The following GFRAL variants were observed in gnomAD, a reference collection of about 807,000 sequenced individuals.
GFRAL encodes GDNF family receptor alpha-like.
Under a neutral mutation model 45.4 loss-of-function variants are expected in GFRAL, and 36 were observed. That is an observed-to-expected ratio of 0.79 (90% confidence interval 0.61 to 1.05). The LOEUF is 1.05. Ranked by LOEUF, GFRAL falls within the 50% of genes least tolerant of loss-of-function variation. GFRAL has a pLI of 0.00. For synonymous variants in GFRAL, 166 were observed against 154.1 expected, an observed-to-expected ratio of 1.08 and a Z score of -0.57; for missense variants, 507 against 467.5, an observed-to-expected ratio of 1.08 and a Z score of -0.78.
intron 4 of GFRAL, among the ~76,000 whole-genome samples, chr6:55,350,575 T>G (rs1768102920): frequency 6.6e-6 from 1 of 151,794 alleles, no homozygotes; most frequent in South Asian, 2.1e-4. Context: ...TAGGCTTGTG[T>G]CTGTGATCCC....
chr6:55,329,358 G>T (rs952918176), intron 1 of GFRAL, among the ~76,000 whole-genome samples: 6 of 152,078 alleles, frequency 3.9e-5, no homozygotes, highest in African/African-American at 1.4e-4. Context: ...CATATTTGGG[G>T]AAGACAACAT....
intron 6 of GFRAL, among the ~76,000 whole-genome samples, chr6:55,362,131 C>G (rs1215468244): frequency 6.6e-6 from 1 of 151,780 alleles, no homozygotes; most frequent in Admixed American, 6.6e-5. Context: ...TTCAAAAACA[C>G]TTTCTTGGAA....
chr6:55,336,772 T>G (rs1336187156), intron 3 of GFRAL, among the ~76,000 whole-genome samples: 1 of 152,180 alleles, frequency 6.6e-6, no homozygotes, highest in African/African-American at 2.4e-5. Flanking sequence ...ATAGAATTGT[T>G]GAAAGTGGAC....
At chr6:55,345,645 A>G (rs535888972) in intron 3 of GFRAL, among the ~76,000 whole-genome samples, 23 of 152,336 alleles carry the variant, frequency 1.5e-4, no homozygotes, top group African/African-American at 4.8e-4. Flanking sequence ...CAAGGACTTC[A>G]TGTCTAAAAT....
In GFRAL at chr6:55,365,109, T is replaced by A. The variant is rs555448774; in HGVS notation, c.952+5971T>A. Among the ~76,000 whole-genome samples, 89 of 151,732 alleles carry A rather than the reference T, an allele frequency of 5.9e-4. 2 individuals are homozygous for A. The East Asian group carries it at 0.017, about 29-fold the overall frequency. On this transcript the variant is annotated intron_variant, in intron 6 of 8. Coordinates refer to ENST00000340465, the MANE Select transcript of GFRAL (RefSeq NM_207410.2). ...TTCCATTTGTTTGTATCCTCTTTTATTTCCTTGAGGAGTGGTTTGTAGTTC... is the reference window on the plus strand; with the variant it reads ...TTCCATTTGTTTGTATCCTCTTTTAATTCCTTGAGGAGTGGTTTGTAGTTC...
chr6:55,336,180 T>C (rs1475128779), intron 3 of GFRAL, among the ~76,000 whole-genome samples: 1 of 152,170 alleles, frequency 6.6e-6, no homozygotes, highest in Non-Finnish European at 1.5e-5. Context: ...CTGGGCTGAA[T>C]TGATCTGCCT....
intron 6 of GFRAL, among the ~76,000 whole-genome samples, chr6:55,384,303 C>A (rs192677182): frequency 6.6e-6 from 1 of 151,900 alleles, no homozygotes. Context: ...TTTATCCCCA[C>A]ACAATAAAAC....
chr6:55,376,811 G>T (rs1457873946), intron 6 of GFRAL, among the ~76,000 whole-genome samples: 1 of 151,610 alleles, frequency 6.6e-6, no homozygotes. Flanking sequence ...TTTTTTGAAG[G>T]ATTTTCATGT....
chr6:55,387,168 A>G (rs918642282), intron 6 of GFRAL, among the ~76,000 whole-genome samples: 2 of 152,226 alleles, frequency 1.3e-5, no homozygotes, highest in African/African-American at 4.8e-5. Context: ...TTACTAGAGA[A>G]GAAAGGAGCA....
chr6:55,333,934 CAATA>C lies in GFRAL; in HGVS notation c.310_313del (p.Lys104GlnfsTer4). 1 of 1,525,514 alleles carries C rather than the reference CAATA, an allele frequency of 6.6e-7. No homozygotes were observed. Among genetic ancestry groups the C allele is most frequent in the Middle Eastern group, 1.7e-4 (1 of 5,734 alleles). 94.5% of individuals were successfully genotyped at this position (1,525,514 alleles called of 1,614,324 possible). A position where few individuals can be genotyped will look rare whatever the true frequency, so the allele number is the denominator to read the frequency against. On this transcript the variant is annotated frameshift_variant, in exon 3 of 9. Transcript: ENST00000340465. LOFTEE classifies it high-confidence loss of function. ...ACAAACTGCTTGGAAAAAAATGTAT[CAATA>C]AATCAGGTAATATTTTGTTTTAAGA...
chr6:55,385,883 G>A (rs1008031767), intron 6 of GFRAL, among the ~76,000 whole-genome samples: 3 of 152,004 alleles, frequency 2.0e-5, no homozygotes, highest in African/African-American at 7.2e-5. Context: ...TTCTAGTAAA[G>A]ATTTCAAAGA....
In GFRAL at chr6:55,333,916, G is replaced by C; in HGVS notation, c.288G>C (p.Leu96=). Residue 96 remains leucine (L), a synonymous_variant, in exon 3 of 9, where the codon CTG becomes CTC. Coordinates refer to ENST00000340465, the MANE Select transcript of GFRAL (RefSeq NM_207410.2). The stretch of plus-strand genomic sequence containing the variant: ...ACTTCTATTGTACTGTGAACAAACT[G>C]CTTGGAAAAAAATGTATCAATAAAT... The part of the protein sequence containing the change: ...TDDFYCTVNK[L]LGKKCINKSD... 1.9e-6 allele frequency: 3 copies of C among 1,554,438 alleles called. No homozygotes were observed. The highest frequency in any genetic ancestry group is 2.6e-6 in the Non-Finnish European group (3 of 1,151,024).
chr6:55,332,669 G>A (rs1035115127), intron 2 of GFRAL, among the ~76,000 whole-genome samples: 9 of 152,042 alleles, frequency 5.9e-5, no homozygotes, highest in Non-Finnish European at 1.0e-4. Flanking sequence ...TGATCTGCCT[G>A]CCTCGGCCTC....
intron 6 of GFRAL, among the ~76,000 whole-genome samples, chr6:55,379,170 CTTT>C (rs1258821378): frequency 6.6e-6 from 1 of 151,792 alleles, no homozygotes; most frequent in East Asian, 1.9e-4. Context: ...ATATTTTTAA[CTTT>C]TATTTTAGGT....
chr6:55,344,174 C>T (rs950812622), intron 3 of GFRAL, among the ~76,000 whole-genome samples: 1 of 151,986 alleles, frequency 6.6e-6, no homozygotes, highest in Admixed American at 6.6e-5. Context: ...GGGAATGCTC[C>T]CTAACTCATT....
intron 5 of GFRAL, among the ~76,000 whole-genome samples, chr6:55,357,736 G>C (rs1768215512): frequency 6.6e-6 from 1 of 151,570 alleles, no homozygotes; most frequent in South Asian, 2.1e-4. Flanking sequence ...ATATTCTTTA[G>C]TTCATCATTT....
chr6:55,352,935 A>T lies in GFRAL; in HGVS notation c.701+1352A>T, dbSNP rs142512332. Among the ~76,000 whole-genome samples, 479 of 152,212 alleles carry T rather than the reference A, an allele frequency of 3.1e-3. 1 individual carries two copies. The highest frequency in any genetic ancestry group is 0.011 in the African/African-American group (457 of 41,550). On this transcript the variant is annotated intron_variant, in intron 5 of 8. Coordinates refer to ENST00000340465, the MANE Select transcript of GFRAL (RefSeq NM_207410.2). ...ATGGATCTTATAGTCCAGAGAGAAG[A>T]CAGATATTAAATTAAAAATGTATGT... is the stretch of plus-strand genomic sequence containing the variant.
intron 5 of GFRAL, among the ~76,000 whole-genome samples, chr6:55,356,152 T>G (rs1236587122): frequency 6.6e-6 from 1 of 152,006 alleles, no homozygotes; most frequent in Non-Finnish European, 1.5e-5. Context: ...TTTGCATTAA[T>G]GTTCTTCAGG....
intron 6 of GFRAL, among the ~76,000 whole-genome samples, chr6:55,398,842 A>G (rs1768859635): frequency 6.6e-6 from 1 of 152,312 alleles, no homozygotes; most frequent in Non-Finnish European, 1.5e-5. Flanking sequence ...TTGTAAAGAA[A>G]GGATCTTTTT....
Sources: gnomAD v4.1 joint callset for allele counts (sites outside exome capture counted in the v4.1 genomes callset) on GRCh38, gnomAD v4.1.1 for gene constraint, MANE v1.5 for transcripts, NCBI Gene and HGNC (gene_info 2026-07-23, HGNC 2026-07-21) for gene names.